Variants in SNTG1 observed in about 807,000 individuals in gnomAD.
The protein encoded by SNTG1 is gamma-1-syntrophin.
SNTG1 carries 39 observed loss-of-function variants against 74.7 expected under a neutral mutation model. The observed-to-expected ratio is 0.52, with a 90% CI of 0.40 to 0.68. The LOEUF is 0.68. Among genes scored for constraint, SNTG1 ranks in the 30% least tolerant of loss-of-function variants. The pLI, the probability that SNTG1 is intolerant of heterozygous loss-of-function variation, is 0.00. For missense variants in SNTG1, 685 were observed against 609.5 expected (o/e 1.12, Z -1.30); for synonymous variants, 254 against 217.1 (o/e 1.17, Z -1.49).
At chr8:49,967,745 T>C (rs1192199649) in intron 1 of SNTG1, among the ~76,000 whole-genome samples, 1 of 152,200 alleles carries the variant, frequency 6.6e-6, no homozygotes, top group Non-Finnish European at 1.5e-5. Context: ...GAAAGTGAGA[T>C]TAAAGCAGTG....
chr8:50,040,295 T>A (rs1818524248), intron 1 of SNTG1, among the ~76,000 whole-genome samples: 3 of 152,210 alleles, frequency 2.0e-5, no homozygotes, highest in African/African-American at 7.2e-5. Flanking sequence ...CATATCTTTT[T>A]ATAAAAATTA....
chr8:50,487,445 C>A (rs1264121528), intron 8 of SNTG1, among the ~76,000 whole-genome samples: 1 of 152,070 alleles, frequency 6.6e-6, no homozygotes, highest in Non-Finnish European at 1.5e-5. Context: ...ACCCAAATGT[C>A]CAACAATGAT....
intron 9 of SNTG1, among the ~76,000 whole-genome samples, chr8:50,504,771 A>G (rs559102609): frequency 2.0e-5 from 3 of 152,324 alleles, no homozygotes; most frequent in African/African-American, 7.2e-5. Context: ...CATCTCAAAA[A>G]TAAATAAATA....
intron 2 of SNTG1, among the ~76,000 whole-genome samples, chr8:50,344,288 G>T (rs1222859924): frequency 2.0e-5 from 3 of 151,982 alleles, no homozygotes; most frequent in South Asian, 2.1e-4. Context: ...AAAAAATAGC[G>T]GCTTAAAACA....
chr8:49,986,423 G>A (rs1813157732), intron 1 of SNTG1, among the ~76,000 whole-genome samples: 1 of 152,126 alleles, frequency 6.6e-6, no homozygotes, highest in African/African-American at 2.4e-5. Context: ...TAAGCTGGAG[G>A]TATCACACCA....
intron 14 of SNTG1, among the ~76,000 whole-genome samples, chr8:50,657,541 A>G (rs796536310): frequency 1.3e-5 from 2 of 152,158 alleles, no homozygotes; most frequent in Non-Finnish European, 1.5e-5. Flanking sequence ...AAGAATAATA[A>G]GGAAATTTCA....
intron 2 of SNTG1, among the ~76,000 whole-genome samples, chr8:50,202,320 A>G (rs1231497011): frequency 1.3e-5 from 2 of 152,040 alleles, no homozygotes; most frequent in Non-Finnish European, 2.9e-5. Flanking sequence ...GTTCTAAATA[A>G]TCTCCTGTGC....
chr8:50,668,495 C>CATT (rs67860057), intron 15 of SNTG1, among the ~76,000 whole-genome samples: 12,999 of 145,112 alleles, frequency 0.09, 941 homozygotes, highest in African/African-American at 0.2. Flanking sequence ...ATCTTTCGCA[C>CATT]ATTATTATTA....
At chr8:50,710,485 CA>C (rs1366468882) in intron 17 of SNTG1, among the ~76,000 whole-genome samples, 1 of 151,962 alleles carries the variant, frequency 6.6e-6, no homozygotes, top group Non-Finnish European at 1.5e-5. Context: ...CTAGAAAAGT[CA>C]AAGTCTGATT....
At chr8:50,700,165 C>T (rs2095418621) in intron 15 of SNTG1, among the ~76,000 whole-genome samples, 1 of 152,114 alleles carries the variant, frequency 6.6e-6, no homozygotes, top group African/African-American at 2.4e-5. Context: ...TGTGGATAAT[C>T]GTGTAAATAC....
chr8:50,257,016 G>A (rs995980218), intron 2 of SNTG1, among the ~76,000 whole-genome samples: 13 of 151,986 alleles, frequency 8.6e-5, no homozygotes, highest in African/African-American at 3.1e-4. Flanking sequence ...TAGCCCCCCT[G>A]CTCCCCTCTT....
At chr8:50,095,556 C>T (rs559056961) in intron 1 of SNTG1, among the ~76,000 whole-genome samples, 1 of 152,090 alleles carries the variant, frequency 6.6e-6, no homozygotes, top group Non-Finnish European at 1.5e-5. Context: ...ATAATGAAAT[C>T]CACATAAGAT....
At chr8:49,971,216 T>C (rs1442166497) in intron 1 of SNTG1, among the ~76,000 whole-genome samples, 1 of 152,176 alleles carries the variant, frequency 6.6e-6, no homozygotes, top group Non-Finnish European at 1.5e-5. Context: ...TGGTTCAACA[T>C]ATGCCAATCA....
intron 2 of SNTG1, among the ~76,000 whole-genome samples, chr8:50,361,076 T>G (rs1397840637): frequency 6.6e-6 from 1 of 152,218 alleles, no homozygotes; most frequent in African/African-American, 2.4e-5. Flanking sequence ...TGTACAAAAA[T>G]ATTTTCTTTC....
intron 1 of SNTG1, among the ~76,000 whole-genome samples, chr8:49,973,187 A>G (rs1243722176): frequency 1.3e-5 from 2 of 152,190 alleles, no homozygotes; most frequent in Non-Finnish European, 2.9e-5. Flanking sequence ...TGCAGCCATA[A>G]AAAAGATGAG....
chr8:50,654,359 A>G (rs1021424630), intron 13 of SNTG1, among the ~76,000 whole-genome samples: 2 of 152,108 alleles, frequency 1.3e-5, no homozygotes, highest in Admixed American at 1.3e-4. Context: ...CTGCTTTTTA[A>G]TGTGTTGTTA....
chr8:50,385,546 T>C lies in SNTG1; in HGVS notation c.-27-8666T>C, dbSNP rs186258573. Among the ~76,000 whole-genome samples, 4 of 152,332 alleles carry C rather than the reference T, an allele frequency of 2.6e-5. No individual in the cohort carries two copies. In the East Asian group the frequency reaches 7.7e-4, roughly 29 times the overall value. Reference sequence around the variant, plus strand: ...CCTAATTCTCACTTACTAGGTCCAATTAACTTAATGCCATCACTGTAATGA... The same window carrying C: ...CCTAATTCTCACTTACTAGGTCCAACTAACTTAATGCCATCACTGTAATGA... On this transcript the variant is annotated intron_variant, in intron 2 of 18. Transcript: ENST00000642720.
At chr8:50,583,279 A>G (rs1378722060) in intron 12 of SNTG1, among the ~76,000 whole-genome samples, 2 of 151,684 alleles carry the variant, frequency 1.3e-5, no homozygotes, top group Admixed American at 6.6e-5. Context: ...GGCGGCGCCT[A>G]TAATCCTAGT....
intron 18 of SNTG1, among the ~76,000 whole-genome samples, chr8:50,791,237 C>T (rs1487236249): frequency 6.6e-6 from 1 of 151,760 alleles, no homozygotes; most frequent in Non-Finnish European, 1.5e-5. Flanking sequence ...ATGACTAGTG[C>T]CACTGAAGCA....
Sources: allele counts gnomAD v4.1 joint callset (sites outside exome capture counted in the v4.1 genomes callset), GRCh38; gene constraint gnomAD v4.1.1; transcripts MANE v1.5; gene names NCBI Gene and HGNC (gene_info 2026-07-23, HGNC 2026-07-21).